The following ADAMTSL1 variants were observed in gnomAD, a reference collection of about 807,000 sequenced individuals.
The protein encoded by ADAMTSL1 is ADAMTS-like protein 1.
In ADAMTSL1, 126 loss-of-function variants were observed where a neutral mutation model predicts 201.8. The observed-to-expected ratio is 0.62, with a 90% CI of 0.54 to 0.72. The LOEUF is 0.72. Ranked by LOEUF, ADAMTSL1 falls within the 30% of genes least tolerant of loss-of-function variation. The pLI is 0.00. For missense variants in ADAMTSL1, 2,679 were observed against 2,277.8 expected (o/e 1.18, Z -3.59); for synonymous variants, 1,121 against 903.4 (o/e 1.24, Z -4.32).
At chr9:18,541,545 G>A (rs939879194) in intron 3 of ADAMTSL1, among the ~76,000 whole-genome samples, 1 of 151,916 alleles carries the variant, frequency 6.6e-6, no homozygotes, top group South Asian at 2.1e-4. Flanking sequence ...GGTGGGAGGA[G>A]TGTGGAGAGT....
rs117299237 is a variant in ADAMTSL1 at position 18,903,940 on chromosome 9, G to C, written c.4852-1842G>C. On this transcript the variant is annotated intron_variant, in intron 26 of 28. Transcript: ENST00000380548. ...TATACTCACTCTATAGTAACTCACT[G>C]AGATATACTTCATGTTTTAATCACT... 6.9e-4 allele frequency among the ~76,000 whole-genome samples: 103 copies of C among 148,726 alleles called. 2 individuals carry two copies. In the East Asian group the frequency reaches 0.018, roughly 26 times the overall value.
chr9:18,347,575 A>T (rs2809865), intron 2 of ADAMTSL1, among the ~76,000 whole-genome samples: 4 of 152,188 alleles, frequency 2.6e-5, no homozygotes, highest in African/African-American at 9.7e-5. Flanking sequence ...AGAATTATTT[A>T]AAAAAACAAT....
chr9:17,998,749 G>A (rs55730021), intron 1 of ADAMTSL1, among the ~76,000 whole-genome samples: 49,435 of 151,744 alleles, frequency 0.33, 8,527 homozygotes, highest in African/African-American at 0.43. Context: ...TAGGAGGTAG[G>A]CTTCTGACTT....
chr9:18,148,966 T>C (rs147153771), intron 1 of ADAMTSL1, among the ~76,000 whole-genome samples: 1 of 152,188 alleles, frequency 6.6e-6, no homozygotes, highest in African/African-American at 2.4e-5. Flanking sequence ...AAAGGAAAAA[T>C]CTTCTAGACT....
chr9:17,921,484 C>G (rs761407095), intron 1 of ADAMTSL1, among the ~76,000 whole-genome samples: 1 of 152,148 alleles, frequency 6.6e-6, no homozygotes. Context: ...GTTATTTTAG[C>G]AGACATTTGG....
chr9:18,488,811 C>T (rs544131031), intron 1 of ADAMTSL1, among the ~76,000 whole-genome samples: 13 of 152,236 alleles, frequency 8.5e-5, no homozygotes, highest in East Asian at 1.9e-4. Flanking sequence ...AGTTTTGCCT[C>T]GTAACTACAG....
chr9:18,088,500 G>C (rs1302176676), intron 1 of ADAMTSL1, among the ~76,000 whole-genome samples: 1 of 152,062 alleles, frequency 6.6e-6, no homozygotes, highest in Admixed American at 6.6e-5. Flanking sequence ...TTATATATTC[G>C]ATAAGGAGTT....
intron 23 of ADAMTSL1, among the ~76,000 whole-genome samples, chr9:18,851,454 A>G (rs1191227617): frequency 6.6e-6 from 1 of 152,176 alleles, no homozygotes; most frequent in African/African-American, 2.4e-5. Flanking sequence ...CCTTAGAGGA[A>G]TTAATTCATT....
In ADAMTSL1 at chr9:18,108,777, T is replaced by C. The variant is rs151251806; in HGVS notation, c.88-55085T>C. ...ACTTTTGATGAGAGAATTAGCTCTT[T>C]TTTTTTCTCCTTTTTCAATGTGTAA... On this transcript the variant is annotated intron_variant, in intron 1 of 29. Coordinates refer to the ADAMTSL1 transcript ENST00000680146. Among the ~76,000 whole-genome samples, 782 of 152,278 alleles carry C rather than the reference T, an allele frequency of 5.1e-3. 8 individuals are homozygous for C. The highest frequency in any genetic ancestry group is 0.018 in the African/African-American group (751 of 41,576).
chr9:18,186,652 T>C (rs916618548), intron 2 of ADAMTSL1, among the ~76,000 whole-genome samples: 7 of 152,154 alleles, frequency 4.6e-5, no homozygotes, highest in African/African-American at 1.7e-4. Flanking sequence ...GTCTAACATG[T>C]TTAATGAGAT....
intron 1 of ADAMTSL1, among the ~76,000 whole-genome samples, chr9:18,014,130 T>G (rs563368096): frequency 2.0e-5 from 3 of 152,164 alleles, no homozygotes; most frequent in Admixed American, 1.3e-4. Flanking sequence ...ACATCCTATT[T>G]GTGATCTTGC....
intron 2 of ADAMTSL1, among the ~76,000 whole-genome samples, chr9:18,442,931 C>T (rs1820054887): frequency 6.6e-6 from 1 of 152,164 alleles, no homozygotes; most frequent in Non-Finnish European, 1.5e-5. Flanking sequence ...AGCACAGTAC[C>T]TGGTTTTATA....
chr9:18,015,657 T>TC (rs1337238204), intron 1 of ADAMTSL1, among the ~76,000 whole-genome samples: 1 of 152,058 alleles, frequency 6.6e-6, no homozygotes, highest in Non-Finnish European at 1.5e-5. Flanking sequence ...TTTTGTAATG[T>TC]CCTGCGCTTA....
chr9:18,808,568 T>TA (rs1232364695), intron 20 of ADAMTSL1, among the ~76,000 whole-genome samples: 11 of 152,214 alleles, frequency 7.2e-5, no homozygotes, highest in Admixed American at 5.9e-4. Context: ...CTTGCAGCTA[T>TA]AAAAAACCAC....
At chr9:18,474,395 T>TTATC in intron 1 of ADAMTSL1, 100 bp downstream of exon 1, 1 of 1,167,656 alleles carries the variant, frequency 8.6e-7, no homozygotes, top group Non-Finnish European at 1.3e-6. Context: ...GTGTGTGTCT[T>TTATC]TATCTTAAAA....
intron 4 of ADAMTSL1, among the ~76,000 whole-genome samples, chr9:18,602,889 G>A (rs1824752062): frequency 1.3e-5 from 2 of 152,170 alleles, no homozygotes; most frequent in African/African-American, 4.8e-5. Context: ...CTGTGTGTTT[G>A]TGTGGGTGAG....
chr9:18,141,707 G>A (rs183497631), intron 1 of ADAMTSL1, among the ~76,000 whole-genome samples: 1 of 152,104 alleles, frequency 6.6e-6, no homozygotes, highest in Middle Eastern at 3.2e-3. Flanking sequence ...GGGATTAATG[G>A]TATATTCCTC....
At chr9:18,182,145 G>C (rs564122086) in intron 2 of ADAMTSL1, among the ~76,000 whole-genome samples, 5 of 144,780 alleles carry the variant, frequency 3.5e-5, no homozygotes, top group South Asian at 2.4e-4. Flanking sequence ...TTGTGGTGTG[G>C]GGGGAGGGGG....
At chr9:18,127,481 A>AACAC (rs112886805) in intron 1 of ADAMTSL1, among the ~76,000 whole-genome samples, 13,901 of 146,008 alleles carry the variant, frequency 0.095, 653 homozygotes, top group Non-Finnish European at 0.11. Context: ...GCACATACAC[A>AACAC]ACACACACAC....
Sources: allele counts gnomAD v4.1 joint callset (sites outside exome capture counted in the v4.1 genomes callset), GRCh38; gene constraint gnomAD v4.1.1; transcripts MANE v1.5; gene names NCBI Gene and HGNC (gene_info 2026-07-23, HGNC 2026-07-21).